OLA1: variants seen among roughly 807,000 people sequenced by gnomAD.
OLA1 encodes the protein Obg like ATPase 1.
A neutral mutation model predicts 48.4 loss-of-function variants in OLA1; 14 were observed. The ratio of observed to expected loss-of-function variants is 0.29; its 90% confidence interval spans 0.19 to 0.45. The LOEUF is 0.45. OLA1 is among the 20% of genes least tolerant of loss of function. OLA1 has a pLI of 1.00. For missense variants in OLA1, 325 were observed against 467.1 expected, an observed-to-expected ratio of 0.70 and a Z score of 2.80; for synonymous variants, 127 against 150.4, an observed-to-expected ratio of 0.84 and a Z score of 1.14.
chr2:174,123,844 T>TAA (rs1384634585), intron 5 of OLA1, among the ~76,000 whole-genome samples, 169 bp from the exon 6 acceptor site: 1 of 152,110 alleles, frequency 6.6e-6, no homozygotes, highest in Non-Finnish European at 1.5e-5. Flanking sequence ...CAATTACTAA[T>TAA]AAAACATTGT....
At chr2:174,135,719 T>C (rs759867380) in intron 5 of OLA1, among the ~76,000 whole-genome samples, 1 of 152,154 alleles carries the variant, frequency 6.6e-6, no homozygotes, top group African/African-American at 2.4e-5. Flanking sequence ...CTTTAAGTCA[T>C]ATATGAATAG....
intron 7 of OLA1, among the ~76,000 whole-genome samples, chr2:174,083,133 A>C (rs1684894343): frequency 6.6e-6 from 1 of 152,168 alleles, no homozygotes; most frequent in African/African-American, 2.4e-5. Context: ...CATTCCATTA[A>C]AATTTTTATA....
intron 5 of OLA1, among the ~76,000 whole-genome samples, chr2:174,133,749 T>C (rs913053323): frequency 1.5e-4 from 23 of 152,120 alleles, no homozygotes; most frequent in African/African-American, 5.6e-4. Context: ...ACTTTTCAAA[T>C]CCAATCTGAC....
At chr2:174,093,787 T>C (rs905183454) in intron 7 of OLA1, among the ~76,000 whole-genome samples, 1 of 152,256 alleles carries the variant, frequency 6.6e-6, no homozygotes, top group South Asian at 2.1e-4. Context: ...ATTATGTTCC[T>C]ATATACAAGA....
intron 5 of OLA1, among the ~76,000 whole-genome samples, chr2:174,130,383 A>C (rs959003018): frequency 3.3e-5 from 5 of 152,214 alleles, no homozygotes; most frequent in African/African-American, 1.2e-4. Flanking sequence ...CCCAAGAATT[A>C]ACACAATAGG....
At chr2:174,244,813 G>A (rs956260207) in intron 2 of OLA1, among the ~76,000 whole-genome samples, 9 of 151,968 alleles carry the variant, frequency 5.9e-5, no homozygotes, top group African/African-American at 1.9e-4. Context: ...TTTTTTTAAA[G>A]TAGAGATGGG....
In OLA1 at chr2:174,112,389, A is replaced by T. The variant is rs186490797; in HGVS notation, c.728+10791T>A. Among the ~76,000 whole-genome samples the T allele has an allele frequency of 1.3e-3, 191 of 152,328 alleles. 3 individuals carry two copies. Among genetic ancestry groups the T allele is most frequent in the Admixed American group, 1.8e-3 (28 of 15,302 alleles). ...TTTACAAGCTTGTTGGGAATCTTAA[A>T]TATAACTGGCATAAGGTCAAGTGTG... On this transcript the variant is annotated intron_variant, in intron 7 of 10. Transcript: ENST00000284719.
At chr2:174,081,585 A>C (rs1470822932) in intron 8 of OLA1, among the ~76,000 whole-genome samples, 1 of 152,096 alleles carries the variant, frequency 6.6e-6, no homozygotes, top group African/African-American at 2.4e-5. Context: ...ATATTTAAAC[A>C]ATATATTACT....
chr2:174,144,939 AAAAAAAAAAAAAATATATATATAT>A (rs1686546414), intron 4 of OLA1, among the ~76,000 whole-genome samples: 1 of 56,388 alleles, frequency 1.8e-5, no homozygotes, highest in Non-Finnish European at 3.7e-5. Context: ...TTAAAAAAAA[AAAAAAAAAAAAAATATATATATAT>A]ATATATATAT....
Position 174,091,250 on chromosome 2 carries a change from T to C in OLA1, c.729-9186A>G, listed in dbSNP as rs140557418. Reference sequence around the variant, plus strand: ...AAGTAGTTTTCAACCTCTTCTGAGTTCTGTAAAAGGATTTCCCAATGTGGA... The same window carrying C: ...AAGTAGTTTTCAACCTCTTCTGAGTCCTGTAAAAGGATTTCCCAATGTGGA... On this transcript the variant is annotated intron_variant, in intron 7 of 10. Transcript: ENST00000284719. Among the ~76,000 whole-genome samples, 748 of 152,352 alleles carry C rather than the reference T, an allele frequency of 4.9e-3. 10 individuals are homozygous for C. The Middle Eastern group carries it at 0.058, about 12-fold the overall frequency.
chr2:174,167,384 TGACC>T (rs1687191441), intron 4 of OLA1, among the ~76,000 whole-genome samples: 1 of 152,232 alleles, frequency 6.6e-6, no homozygotes, highest in Admixed American at 6.5e-5. Flanking sequence ...AAGACCAGGC[TGACC>T]AACATGGTGA....
Position 174,074,594 on chromosome 2 carries a change from C to T in OLA1, c.*832G>A, listed in dbSNP as rs997849456. On this transcript the variant is annotated 3_prime_UTR_variant, in exon 11 of 11. Transcript: ENST00000284719. The stretch of plus-strand genomic sequence containing the variant: ...TTGAAGCAAAACATAACCCACCAGA[C>T]ATCAATGGGTCAGTTTTTACAATTT... 4 of 152,190 alleles carry T rather than the reference C, an allele frequency of 2.6e-5. No homozygotes were observed. The highest frequency in any genetic ancestry group is 9.7e-5 in the African/African-American group (4 of 41,432). 9.4% of individuals were successfully genotyped at this position (152,190 alleles called of 1,614,324 possible).
At chr2:174,220,994 T>C (rs1203216442) in intron 4 of OLA1, among the ~76,000 whole-genome samples, 2 of 152,188 alleles carry the variant, frequency 1.3e-5, no homozygotes, top group East Asian at 1.9e-4. Flanking sequence ...TTCTAATCTC[T>C]ACAAGTCTTT....
chr2:174,190,816 A>G (rs1687756475), intron 4 of OLA1, among the ~76,000 whole-genome samples: 1 of 151,956 alleles, frequency 6.6e-6, no homozygotes, highest in Admixed American at 6.6e-5. Context: ...TCACAAATCA[A>G]TTCTGAAAAC....
At chr2:174,106,379 T>A (rs1358692309) in intron 7 of OLA1, among the ~76,000 whole-genome samples, 1 of 152,126 alleles carries the variant, frequency 6.6e-6, no homozygotes, top group Non-Finnish European at 1.5e-5. Flanking sequence ...TTATAAAACT[T>A]AAGCTACAGG....
intron 9 of OLA1, among the ~76,000 whole-genome samples, chr2:174,080,206 ATTATG>A (rs1162557019): frequency 6.6e-6 from 1 of 152,046 alleles, no homozygotes; most frequent in Non-Finnish European, 1.5e-5. Flanking sequence ...GGCATTTAAC[ATTATG>A]TTAACTGCCT....
intron 6 of OLA1, 39 bp downstream of exon 6, chr2:174,123,556 G>A: frequency 8.2e-7 from 1 of 1,215,576 alleles, no homozygotes; most frequent in Non-Finnish European, 1.2e-6. Flanking sequence ...GCAAATGAAA[G>A]CAAAGGCAGT....
chr2:174,156,240 T>C (rs1175446791), intron 4 of OLA1, among the ~76,000 whole-genome samples: 1 of 152,130 alleles, frequency 6.6e-6, no homozygotes, highest in Non-Finnish European at 1.5e-5. Context: ...GGCTGACCTG[T>C]GCATTGTAGG....
chr2:174,095,019 G>A (rs887482669), intron 7 of OLA1, among the ~76,000 whole-genome samples: 1 of 152,110 alleles, frequency 6.6e-6, no homozygotes, highest in Non-Finnish European at 1.5e-5. Context: ...TTGTTTGTAT[G>A]TCTATACTAC....
Sources: allele counts gnomAD v4.1 joint callset (sites outside exome capture counted in the v4.1 genomes callset), GRCh38; gene constraint gnomAD v4.1.1; transcripts MANE v1.5; gene names NCBI Gene and HGNC (gene_info 2026-07-23, HGNC 2026-07-21).